The following FOXP2 variants were observed in gnomAD, a reference collection of about 807,000 sequenced individuals.
FOXP2 encodes forkhead box protein P2.
Under a neutral mutation model 115.8 loss-of-function variants are expected in FOXP2, and 12 were observed. That is an observed-to-expected ratio of 0.10 (90% CI 0.07 to 0.17). FOXP2 has a LOEUF of 0.17. Ranked by LOEUF, FOXP2 falls within the 10% of genes least tolerant of loss-of-function variation. The pLI, the probability that FOXP2 is intolerant of heterozygous loss-of-function variation, is 1.00. For missense variants in FOXP2, 629 were observed against 843.5 expected (o/e 0.75, Z 3.15); for synonymous variants, 328 against 297.7 (o/e 1.10, Z -1.05).
At chr7:114,329,593 C>A (rs1364591239) in intron 2 of FOXP2, among the ~76,000 whole-genome samples, 2 of 151,232 alleles carry the variant, frequency 1.3e-5, no homozygotes, top group African/African-American at 4.9e-5. Context: ...TAGGCTTTTA[C>A]CTTAATATGA....
chr7:114,637,483 C>A (rs1805284556), intron 6 of FOXP2, among the ~76,000 whole-genome samples: 1 of 152,172 alleles, frequency 6.6e-6, no homozygotes, highest in South Asian at 2.1e-4. Context: ...CCACAGATTC[C>A]CAGAGTATGT....
At chr7:114,113,787 C>T (rs1376241) in intron 1 of FOXP2, among the ~76,000 whole-genome samples, 31,106 of 152,066 alleles carry the variant, frequency 0.2, 4,061 homozygotes, top group Middle Eastern at 0.31. Flanking sequence ...AAGGTGTGGG[C>T]CACCACTCCT....
In FOXP2 at chr7:114,308,432, C is replaced by A. The variant is rs571762005; in HGVS notation, c.-11+20323C>A. ...AAAGTGCATCATATCTAGAAACGGT[C>A]AGAGTAGAATCCTAAATTTTCAAAA... On this transcript the variant is annotated intron_variant, in intron 2 of 17. Transcript: ENST00000634411. 2.6e-5 allele frequency among the ~76,000 whole-genome samples: 4 copies of A among 152,188 alleles called. No homozygotes were observed. In the South Asian group the frequency reaches 8.3e-4, roughly 32 times the overall value.
chr7:114,230,570 T>C (rs1022536645), intron 1 of FOXP2, among the ~76,000 whole-genome samples: 6 of 151,954 alleles, frequency 3.9e-5, no homozygotes, highest in Non-Finnish European at 7.4e-5. Context: ...GTTTAACATA[T>C]GCAAATCAAT....
At chr7:114,399,689 T>C (rs541536495) in intron 2 of FOXP2, among the ~76,000 whole-genome samples, 1 of 151,882 alleles carries the variant, frequency 6.6e-6, no homozygotes, top group East Asian at 1.9e-4. Context: ...TCAGTGGAGG[T>C]GGAGGCAGAG....
At position 114,297,927 on chromosome 7, in the gene FOXP2, T is replaced by C. The variant is rs187639497; in HGVS notation, c.-11+9818T>C. On this transcript the variant is annotated intron_variant, in intron 2 of 17. Coordinates refer to the FOXP2 transcript ENST00000634411. ...TATTTTTAGTGTTCCAGTGCCGTTA[T>C]ATTGTATACTTATCTTCATTATTAT... Among the ~76,000 whole-genome samples the C allele has an allele frequency of 1.8e-4, 27 of 152,346 alleles. No homozygotes were observed. In the East Asian group the frequency reaches 4.6e-3, roughly 26 times the overall value.
intron 1 of FOXP2, among the ~76,000 whole-genome samples, chr7:114,105,169 C>T (rs961563502): frequency 1.3e-5 from 2 of 152,028 alleles, no homozygotes. Context: ...AAGACTGGCA[C>T]ATTTTAGTTT....
intron 2 of FOXP2, among the ~76,000 whole-genome samples, chr7:114,379,171 T>G (rs1165855909): frequency 4.6e-5 from 7 of 152,196 alleles, no homozygotes; most frequent in Admixed American, 2.0e-4. Context: ...GGGTTGCTGT[T>G]GCTGGCTCGA....
At chr7:114,449,950 T>G (rs1794999116) in intron 2 of FOXP2, among the ~76,000 whole-genome samples, 1 of 152,122 alleles carries the variant, frequency 6.6e-6, no homozygotes, top group South Asian at 2.1e-4. Context: ...CACTTTATAA[T>G]CATACATATA....
chr7:114,490,632 T>C (rs1730834325), intron 2 of FOXP2, among the ~76,000 whole-genome samples: 1 of 152,086 alleles, frequency 6.6e-6, no homozygotes, highest in South Asian at 2.1e-4. Context: ...ATTAGGTAAA[T>C]CTCCTAATGC....
chr7:114,553,063 C>T (rs755943368), intron 3 of FOXP2, among the ~76,000 whole-genome samples: 1 of 147,006 alleles, frequency 6.8e-6, no homozygotes, highest in Non-Finnish European at 1.5e-5. Context: ...ATTTTAGATA[C>T]TGTGAAATTA....
chr7:114,103,157 A>G (rs1354467531), intron 1 of FOXP2, among the ~76,000 whole-genome samples: 2 of 152,070 alleles, frequency 1.3e-5, no homozygotes, highest in Non-Finnish European at 2.9e-5. Context: ...CAGAAACAGC[A>G]TTGGCAGCAT....
chr7:114,644,416 G>A (rs902552796), intron 7 of FOXP2, among the ~76,000 whole-genome samples: 2 of 152,016 alleles, frequency 1.3e-5, no homozygotes, highest in Admixed American at 6.6e-5. Context: ...AAGGTCATAA[G>A]GCAGGATTAG....
intron 1 of FOXP2, among the ~76,000 whole-genome samples, chr7:114,188,743 G>T (rs999692371): frequency 3.3e-5 from 5 of 152,052 alleles, no homozygotes; most frequent in Non-Finnish European, 5.9e-5. Flanking sequence ...GTACCAATTT[G>T]CAAACTCCAT....
At chr7:114,446,647 A>C (rs996874319) in intron 2 of FOXP2, among the ~76,000 whole-genome samples, 2 of 152,086 alleles carry the variant, frequency 1.3e-5, no homozygotes, top group Non-Finnish European at 2.9e-5. Context: ...ATGCCAGTAA[A>C]CCCATCAATG....
intron 1 of FOXP2, among the ~76,000 whole-genome samples, chr7:114,257,451 C>CTTT (rs35852445): frequency 9.8e-5 from 9 of 92,156 alleles, no homozygotes; most frequent in African/African-American, 2.7e-4. Context: ...TCTTTTCTTT[C>CTTT]TTTTTTTTTT....
At chr7:114,531,421 C>T (rs1799138082) in intron 2 of FOXP2, among the ~76,000 whole-genome samples, 2 of 151,800 alleles carry the variant, frequency 1.3e-5, no homozygotes, top group Admixed American at 1.3e-4. Flanking sequence ...CAAAGATGAA[C>T]TAAATGTCAT....
chr7:114,401,254 A>C (rs887830189), intron 2 of FOXP2, among the ~76,000 whole-genome samples: 8 of 152,212 alleles, frequency 5.3e-5, no homozygotes, highest in African/African-American at 1.9e-4. Flanking sequence ...AATATGGATA[A>C]ATATTAAGAG....
intron 2 of FOXP2, among the ~76,000 whole-genome samples, chr7:114,390,650 G>A (rs887075574): frequency 7.2e-5 from 11 of 151,928 alleles, no homozygotes; most frequent in African/African-American, 2.7e-4. Flanking sequence ...ACCTCCCTGG[G>A]CTCAGGTAAC....
Sources: gnomAD v4.1 joint callset for allele counts (sites outside exome capture counted in the v4.1 genomes callset) on GRCh38, gnomAD v4.1.1 for gene constraint, MANE v1.5 for transcripts, NCBI Gene and HGNC (gene_info 2026-07-23, HGNC 2026-07-21) for gene names.